Variants in SLC22A17 observed in about 807,000 individuals in gnomAD.
SLC22A17 encodes the protein 24p3 receptor.
SLC22A17 carries 38 observed loss-of-function variants against 53.6 expected under a neutral mutation model. That is an observed-to-expected ratio of 0.71 (90% CI 0.55 to 0.93). SLC22A17 has a LOEUF of 0.93. SLC22A17 is among the 40% of genes least tolerant of loss of function. The pLI is 0.00. For synonymous variants in SLC22A17, 379 were observed against 353.0 expected (o/e 1.07, Z -0.82); for missense variants, 704 against 791.0 (o/e 0.89, Z 1.32).
chr14:23,348,901 G>T lies in SLC22A17; in HGVS notation c.860-230C>A. On this transcript the variant is annotated intron_variant, in intron 4 of 9. Coordinates refer to ENST00000397267, the Ensembl canonical transcript of SLC22A17. The surrounding 1 kb of genome is among the most constrained non-coding windows in gnomAD (Gnocchi z 4.5). ...GGAGGGCTCTAGGGCCAGAGTCCTGGGTGAGTGTTCAACATTTCCAATTTA... is the reference window on the plus strand; with the variant it reads ...GGAGGGCTCTAGGGCCAGAGTCCTGTGTGAGTGTTCAACATTTCCAATTTA... 1.7e-6 allele frequency: 1 copy of T among 602,654 alleles called. No individual in the cohort carries two copies. The highest frequency in any genetic ancestry group is 2.9e-6 in the Non-Finnish European group (1 of 342,646). The allele number at this position is 602,654 out of a possible 1,614,324, so 37.3% of individuals were successfully genotyped here.
rs1595002626 is a variant in SLC22A17 at position 23,346,616 on chromosome 14, G to T, written c.*32C>A. ...ATCTTCTTGCCACCTTTCTGTGTGGGCCAGCCTCCCGCCAGGGTACTCAGA... is the reference window on the plus strand; with the variant it reads ...ATCTTCTTGCCACCTTTCTGTGTGGTCCAGCCTCCCGCCAGGGTACTCAGA... On this transcript the variant is annotated 3_prime_UTR_variant, in exon 10 of 10. Coordinates refer to ENST00000397267, the Ensembl canonical transcript of SLC22A17. 5 of 1,448,070 alleles carry T rather than the reference G, an allele frequency of 3.5e-6. No homozygotes were observed. The East Asian group carries it at 9.8e-5, about 28-fold the overall frequency. 89.7% of individuals were successfully genotyped at this position (1,448,070 alleles called of 1,614,324 possible).
chr14:23,346,611 T>C, exon 10 of SLC22A17: 1 of 1,442,202 alleles, frequency 6.9e-7, no homozygotes, highest in Non-Finnish European at 9.1e-7. Flanking sequence ...CACCTTTCTG[T>C]GTGGGCCAGC....
chr14:23,350,246 G>A (rs1265625026), intron 3 of SLC22A17, among the ~76,000 whole-genome samples: 1 of 152,162 alleles, frequency 6.6e-6, no homozygotes, highest in Non-Finnish European at 1.5e-5. Context: ...AGAGGTTGCA[G>A]TGAGCTGAGA....
chr14:23,347,650 C>A lies in SLC22A17; in HGVS notation c.1359G>T (p.Leu453=), dbSNP rs756484423. 6.2e-6 allele frequency: 10 copies of A among 1,613,892 alleles called. No homozygotes were observed. The South Asian group carries it at 6.6e-5, about 11-fold the overall frequency. ...CCAGGGCTGCGGTGCCGCTGGCCAG[C>A]AGAGAGCACAGGTAGAAGTCCGATG... Residue 453 remains leucine (L), a synonymous_variant, in exon 8 of 10, where the codon CTG becomes CTT. Transcript: ENST00000397267. This position sits in a 1 kb window ranked among gnomAD's most constrained non-coding sequence, Gnocchi z 5.1.
chr14:23,346,526 G>T (rs971791203), exon 10 of SLC22A17: 2 of 1,265,110 alleles, frequency 1.6e-6, no homozygotes, highest in Non-Finnish European at 2.1e-6. Context: ...AGCTCTCCGC[G>T]ATGGCTGGCG....
chr14:23,348,750 G>A lies in SLC22A17; in HGVS notation c.860-79C>T. On this transcript the variant is annotated intron_variant, in intron 4 of 9. Coordinates refer to ENST00000397267, the Ensembl canonical transcript of SLC22A17. The surrounding 1 kb of genome is among the most constrained non-coding windows in gnomAD (Gnocchi z 4.5). ...CATAAGAGAGAAGAAGAAAGAGGGA[G>A]GGAGGAGGACAGAGAGAGAGGTCAG... is the stretch of plus-strand genomic sequence containing the variant. 1 of 1,430,550 alleles carries A rather than the reference G, an allele frequency of 7.0e-7. No homozygotes were observed. The highest frequency in any genetic ancestry group is 9.4e-7 in the Non-Finnish European group (1 of 1,068,004). The allele number at this position is 1,430,550 out of a possible 1,614,324, so 88.6% of individuals were successfully genotyped here.
In SLC22A17 at chr14:23,352,820, G is replaced by A; in HGVS notation, c.-79C>T. 1 of 398,374 alleles carries A rather than the reference G, an allele frequency of 2.5e-6. No individual in the cohort carries two copies. The highest frequency in any genetic ancestry group is 4.4e-6 in the Non-Finnish European group (1 of 225,624). The allele number at this position is 398,374 out of a possible 1,614,324, so 24.7% of individuals were successfully genotyped here. A position where few individuals can be genotyped will look rare whatever the true frequency, so the allele number is the denominator to read the frequency against. On this transcript the variant is annotated 5_prime_UTR_variant, in exon 1 of 10. Transcript: ENST00000397267. The surrounding 1 kb of genome is among the most constrained non-coding windows in gnomAD (Gnocchi z 7.2). ...TGGCTCAGTTGCGCGCCGGCTGCCC[G>A]GACACAGACAGCTCGAAGAGATCCC...
intron 3 of SLC22A17, among the ~76,000 whole-genome samples, chr14:23,350,049 T>C (rs1889524905): frequency 1.3e-5 from 2 of 152,168 alleles, no homozygotes; most frequent in Non-Finnish European, 2.9e-5. Flanking sequence ...CTCACACCTG[T>C]AATCCCAGCA....
chr14:23,346,397 C>T (rs548428609), exon 10 of SLC22A17: 39 of 452,284 alleles, frequency 8.6e-5, no homozygotes, highest in East Asian at 5.4e-4. Context: ...TGTCTTTGGG[C>T]GCAGGATGGA....
chr14:23,347,872 C>T lies in SLC22A17; in HGVS notation c.1277+19G>A, dbSNP rs763867249. The T allele has an allele frequency of 6.2e-7, 1 of 1,613,594 alleles. No homozygotes were observed. Among genetic ancestry groups the T allele is most frequent in the Non-Finnish European group, 8.5e-7 (1 of 1,179,524 alleles). On this transcript the variant is annotated intron_variant, in intron 7 of 9. Coordinates refer to ENST00000397267, the Ensembl canonical transcript of SLC22A17. The surrounding 1 kb of genome is among the most constrained non-coding windows in gnomAD (Gnocchi z 5.1). ...TTCCAGCTACTGGCCTGGCCCTCAG[C>T]CCAGACACCCAGGCTCACTTGGTGA...
chr14:23,347,734 G>A lies in SLC22A17; in HGVS notation c.1278-3C>T, dbSNP rs1204467919. 2 of 1,613,106 alleles carry A rather than the reference G, an allele frequency of 1.2e-6. No individual in the cohort carries two copies. Among genetic ancestry groups the A allele is most frequent in the Non-Finnish European group, 1.7e-6 (2 of 1,179,404 alleles). On this transcript the variant is annotated splice_region_variant and splice_polypyrimidine_tract_variant and intron_variant, in intron 7 of 9. Transcript: ENST00000397267. The surrounding 1 kb of genome is among the most constrained non-coding windows in gnomAD (Gnocchi z 5.1). ...GGCGAATGGCATGGGCAATGAAGCT[G>A]TGAGAAGGGGTGGGGAAGCAACGAA...
intron 3 of SLC22A17, 152 bp from the exon 4 acceptor site, chr14:23,349,578 T>C: frequency 1.2e-6 from 1 of 833,874 alleles, no homozygotes; most frequent in South Asian, 1.8e-5. Flanking sequence ...TGGGGAGGGA[T>C]GGGGACCATG....
At position 23,349,229 on chromosome 14, in the gene SLC22A17, G is replaced by A. The variant is rs778127904; in HGVS notation, c.859+43C>T. The stretch of plus-strand genomic sequence containing the variant: ...ATGGCCTGGCGATGCAGGCAGGTAG[G>A]CATGAGACCCAAGGGAGGGAATTCT... On this transcript the variant is annotated intron_variant, in intron 4 of 9. Coordinates refer to ENST00000397267, the Ensembl canonical transcript of SLC22A17. The A allele has an allele frequency of 5.9e-5, 95 of 1,613,360 alleles. 5 individuals are homozygous for A. In the South Asian group the frequency reaches 9.0e-4, roughly 15 times the overall value.
chr14:23,347,335 T>A lies in SLC22A17; in HGVS notation c.1550-123A>T. On this transcript the variant is annotated intron_variant, in intron 8 of 9. Transcript: ENST00000397267. The surrounding 1 kb of genome is among the most constrained non-coding windows in gnomAD (Gnocchi z 5.1). ...AGCTGGGCAGGCTCTGGGCATTCAG[T>A]AATTGACTGGGAGAGCAGATGGGGC... 1 of 1,479,848 alleles carries A rather than the reference T, an allele frequency of 6.8e-7. No homozygotes were observed. Among genetic ancestry groups the A allele is most frequent in the Non-Finnish European group, 9.1e-7 (1 of 1,094,626 alleles). The allele number at this position is 1,479,848 out of a possible 1,614,324, so 91.7% of individuals were successfully genotyped here.
chr14:23,350,968 A>G (rs558678197), intron 3 of SLC22A17: 2 of 152,366 alleles, frequency 1.3e-5, no homozygotes, highest in East Asian at 1.9e-4. Context: ...CTGTGGATCA[A>G]TGGGGCTGAG....
In SLC22A17 at chr14:23,351,717, C is replaced by G. The variant is rs562079314; in HGVS notation, c.704+35G>C. ...GGGTTAGCTTCCCTAGCACCCCCTC[C>G]TTTCTACCAGCCCTGCCCCCACGAC... is the stretch of plus-strand genomic sequence containing the variant. On this transcript the variant is annotated intron_variant, in intron 3 of 9. Transcript: ENST00000397267. 1.0e-4 allele frequency: 161 copies of G among 1,579,132 alleles called. 1 individual carries two copies. The South Asian group carries it at 1.7e-3, about 17-fold the overall frequency.
At chr14:23,350,212 G>A (rs539922177) in intron 3 of SLC22A17, among the ~76,000 whole-genome samples, 44 of 152,268 alleles carry the variant, frequency 2.9e-4, no homozygotes, top group Non-Finnish European at 6.0e-4. Context: ...GCTGAGGCAG[G>A]AGAATCGCTT....
Position 23,352,037 on chromosome 14 carries a change from T to C in SLC22A17, c.511A>G (p.Ser171Gly). The C allele has an allele frequency of 1.2e-6, 2 of 1,608,784 alleles. No individual in the cohort carries two copies. The highest frequency in any genetic ancestry group is 2.2e-5 in the South Asian group (2 of 90,174). The change falls in exon 2 of 10, where the codon AGC becomes GGC. Residue 171 changes from serine (S) to glycine (G), a missense_variant. Ser to Gly is a moderately conservative substitution (Grantham distance 56, BLOSUM62 0). Coordinates refer to ENST00000397267, the Ensembl canonical transcript of SLC22A17. This position sits in a 1 kb window ranked among gnomAD's most constrained non-coding sequence, Gnocchi z 7.2. ...TTGAAGTCCGGCGGGGCGAAGCCGCTGCACGAGGGGTCGGTACTGGTGGCG... is the reference window on the plus strand; with the variant it reads ...TTGAAGTCCGGCGGGGCGAAGCCGCCGCACGAGGGGTCGGTACTGGTGGCG...
Position 23,348,577 on chromosome 14 carries a change from G to A in SLC22A17, c.954C>T (p.Ala318=), listed in dbSNP as rs778471315. The A allele has an allele frequency of 6.2e-7, 1 of 1,614,100 alleles. No homozygotes were observed. Among genetic ancestry groups the A allele is most frequent in the Non-Finnish European group, 8.5e-7 (1 of 1,179,976 alleles). The stretch of plus-strand genomic sequence containing the variant: ...GGAATCGCCAATCCTTAGAGACAAG[G>A]GCCAGGCCCAGGAACAGGAAGTGCC... Residue 318 remains alanine, a synonymous_variant, in exon 5 of 10, where the codon GCC becomes GCT. Coordinates refer to ENST00000397267, the Ensembl canonical transcript of SLC22A17. This position sits in a 1 kb window ranked among gnomAD's most constrained non-coding sequence, Gnocchi z 4.5.
Sources: allele counts gnomAD v4.1 joint callset (sites outside exome capture counted in the v4.1 genomes callset), GRCh38; gene constraint gnomAD v4.1.1; non-coding constraint Gnocchi (gnomAD v3.1); transcripts MANE v1.5; gene names NCBI Gene and HGNC (gene_info 2026-07-23, HGNC 2026-07-21).